ACVR1: variants seen among roughly 807,000 people sequenced by gnomAD.
The protein encoded by ACVR1 is activin A receptor type 1.
A neutral mutation model predicts 57.1 loss-of-function variants in ACVR1; 38 were observed. That is an observed-to-expected ratio of 0.67 (90% CI 0.51 to 0.87). The LOEUF (loss-of-function observed/expected upper bound fraction) is 0.87. ACVR1 is among the 40% of genes least tolerant of loss of function. The pLI is 0.00. For synonymous variants in ACVR1, 212 were observed against 228.1 expected (o/e 0.93, Z 0.63); for missense variants, 463 against 638.2 (o/e 0.73, Z 2.96).
chr2:157,787,215 T>A (rs1373371331), intron 3 of ACVR1, among the ~76,000 whole-genome samples: 1 of 152,190 alleles, frequency 6.6e-6, no homozygotes, highest in East Asian at 1.9e-4. Context: ...TAAGACGATA[T>A]TCGTCTGTCT....
chr2:157,875,127 T>C (rs777136590), intron 1 of ACVR1: 1 of 152,128 alleles, frequency 6.6e-6, no homozygotes, highest in Non-Finnish European at 1.5e-5. Context: ...GCGCCCGAGG[T>C]TCTAGCCTCA....
chr2:157,747,831 A>C (rs1685031982), intron 9 of ACVR1, among the ~76,000 whole-genome samples: 1 of 152,208 alleles, frequency 6.6e-6, no homozygotes, highest in Non-Finnish European at 1.5e-5. Context: ...GAAAATATCA[A>C]ATTAGTCATT....
intron 1 of ACVR1, among the ~76,000 whole-genome samples, chr2:157,827,370 G>T (rs1212774162): frequency 2.6e-5 from 4 of 152,100 alleles, no homozygotes; most frequent in Non-Finnish European, 5.9e-5. Context: ...ATAAAGTTAG[G>T]TAAAAAAGAA....
intron 6 of ACVR1, 30 bp downstream of exon 6, chr2:157,774,058 A>G (rs1347946492): frequency 1.3e-6 from 2 of 1,581,772 alleles, no homozygotes; most frequent in East Asian, 4.5e-5. Context: ...ATTGCATATT[A>G]CCCACAAAGA....
chr2:157,746,677 G>A (rs1216969966), intron 9 of ACVR1, among the ~76,000 whole-genome samples: 1 of 152,234 alleles, frequency 6.6e-6, no homozygotes, highest in East Asian at 1.9e-4. Context: ...GCTGGGGCTG[G>A]GCCCCGGGAA....
chr2:157,834,044 T>C (rs1688686571), intron 1 of ACVR1, among the ~76,000 whole-genome samples: 1 of 152,192 alleles, frequency 6.6e-6, no homozygotes, highest in Non-Finnish European at 1.5e-5. Flanking sequence ...TAATAATACT[T>C]TGTTCATACA....
intron 3 of ACVR1, among the ~76,000 whole-genome samples, chr2:157,798,480 C>T (rs1202460046): frequency 7.1e-6 from 1 of 140,716 alleles, no homozygotes; most frequent in Non-Finnish European, 1.5e-5. Context: ...CTTGTAGACT[C>T]ATGCCCAACT....
chr2:157,838,444 G>A (rs1407481944), intron 1 of ACVR1: 1 of 152,134 alleles, frequency 6.6e-6, no homozygotes, highest in Non-Finnish European at 1.5e-5. Flanking sequence ...TAATATTTAG[G>A]TGATTTTTTT....
At chr2:157,855,308 G>GTGTGTGTGTGTGTATATA (rs1307480066) in intron 1 of ACVR1, among the ~76,000 whole-genome samples, 1 of 51,656 alleles carries the variant, frequency 1.9e-5, no homozygotes, top group African/African-American at 6.7e-5. Context: ...GTGTGTGTGT[G>GTGTGTGTGTGTGTATATA]TATATATATA....
chr2:157,753,267 CGCCTGT>C (rs1459006144), intron 9 of ACVR1, among the ~76,000 whole-genome samples: 2 of 152,176 alleles, frequency 1.3e-5, no homozygotes, highest in African/African-American at 4.8e-5. Flanking sequence ...TGGTGGTTCA[CGCCTGT>C]AATCCCAACA....
At chr2:157,855,861 A>G (rs2105371006) in intron 1 of ACVR1, among the ~76,000 whole-genome samples, 1 of 152,198 alleles carries the variant, frequency 6.6e-6, no homozygotes, top group East Asian at 1.9e-4. Context: ...TTTTCCTCCC[A>G]AGAGGAACAT....
intron 1 of ACVR1, among the ~76,000 whole-genome samples, chr2:157,838,637 C>A (rs891855674): frequency 6.6e-6 from 1 of 152,168 alleles, no homozygotes; most frequent in Non-Finnish European, 1.5e-5. Context: ...TTCTGCTTAG[C>A]TCATGCTCCG....
At chr2:157,841,038 T>C (rs1688955303) in intron 1 of ACVR1, among the ~76,000 whole-genome samples, 1 of 152,218 alleles carries the variant, frequency 6.6e-6, no homozygotes, top group African/African-American at 2.4e-5. Flanking sequence ...TCAGGCCTTT[T>C]GCCCAAGAAA....
At chr2:157,783,161 T>C (rs1354243388) in intron 3 of ACVR1, among the ~76,000 whole-genome samples, 18 of 152,204 alleles carry the variant, frequency 1.2e-4, no homozygotes, top group Admixed American at 1.2e-3. Flanking sequence ...ATGCTTGTAA[T>C]TTAAAAATGC....
intron 1 of ACVR1, among the ~76,000 whole-genome samples, chr2:157,859,820 C>T (rs1011912875): frequency 3.3e-5 from 5 of 152,110 alleles, no homozygotes; most frequent in Non-Finnish European, 7.3e-5. Context: ...AACTGGTGGT[C>T]GCCTCACATG....
intron 9 of ACVR1, among the ~76,000 whole-genome samples, chr2:157,747,411 A>G (rs1685013411): frequency 6.6e-6 from 1 of 152,218 alleles, no homozygotes; most frequent in African/African-American, 2.4e-5. Context: ...AATAGGCCCC[A>G]AATGGTGGAA....
intron 1 of ACVR1, among the ~76,000 whole-genome samples, chr2:157,820,271 C>T (rs2105331602): frequency 6.6e-6 from 1 of 152,322 alleles, no homozygotes; most frequent in Admixed American, 6.5e-5. Flanking sequence ...CTAAAGTGGG[C>T]ATCCTTAAAA....
intron 9 of ACVR1, among the ~76,000 whole-genome samples, chr2:157,745,698 C>T (rs1684940753): frequency 1.3e-5 from 2 of 152,090 alleles, no homozygotes; most frequent in East Asian, 1.9e-4. Context: ...TTAATGAATA[C>T]AAAAAATTGG....
intron 9 of ACVR1, among the ~76,000 whole-genome samples, chr2:157,745,778 A>C (rs1185348881): frequency 6.6e-6 from 1 of 152,186 alleles, no homozygotes; most frequent in Non-Finnish European, 1.5e-5. Flanking sequence ...GTCATGAAAC[A>C]TGTTGGATAT....
Sources: gnomAD v4.1 joint callset for allele counts (sites outside exome capture counted in the v4.1 genomes callset) on GRCh38, gnomAD v4.1.1 for gene constraint, MANE v1.5 for transcripts, NCBI Gene and HGNC (gene_info 2026-07-23, HGNC 2026-07-21) for gene names.